The following LIN52 variants were observed in gnomAD, a reference collection of about 807,000 sequenced individuals.
The protein encoded by LIN52 is protein lin-52 homolog.
A neutral mutation model predicts 18.5 loss-of-function variants in LIN52; 4 were observed. The observed-to-expected ratio is 0.22, with a 90% CI of 0.11 to 0.49. The LOEUF is 0.49. Ranked by LOEUF, LIN52 falls within the 20% of genes least tolerant of loss-of-function variation. The pLI is 0.97. For synonymous variants in LIN52, 34 were observed against 45.5 expected, an observed-to-expected ratio of 0.75 and a Z score of 1.02; for missense variants, 102 against 139.5, an observed-to-expected ratio of 0.73 and a Z score of 1.35.
intron 5 of LIN52, among the ~76,000 whole-genome samples, chr14:74,120,936 G>T (rs1482461282): frequency 3.3e-5 from 5 of 151,878 alleles, no homozygotes; most frequent in Non-Finnish European, 7.4e-5. Flanking sequence ...TTCAAGCCAG[G>T]CTCAGTGGTA....
chr14:74,156,364 TAGTC>T, intron 5 of LIN52, among the ~76,000 whole-genome samples: 1 of 152,212 alleles, frequency 6.6e-6, no homozygotes. Context: ...CCCTTTCCTA[TAGTC>T]AGTCTGTCTA....
Position 74,175,748 on chromosome 14 carries a change from A to ACACACACACACACC in LIN52, c.284-23171_284-23170insACACACACACCCAC, listed in dbSNP as rs796441764. ...CACACACACACACACACACACACAC[A>ACACACACACACACC]CACCCCCATTATACAGCTATACCAA... On this transcript the variant is annotated intron_variant, in intron 5 of 5. Transcript: ENST00000555028. 6.6e-3 allele frequency among the ~76,000 whole-genome samples: 657 copies of ACACACACACACACC among 98,802 alleles called. 3 individuals are homozygous for ACACACACACACACC. Among genetic ancestry groups the ACACACACACACACC allele is most frequent in the South Asian group, 0.03 (112 of 3,758 alleles). The allele number at this position is 98,802 out of a possible 152,430, so 64.8% of individuals were successfully genotyped here. A position where few individuals can be genotyped will look rare whatever the true frequency, so the allele number is the denominator to read the frequency against.
chr14:74,141,936 C>A (rs1243313703), intron 5 of LIN52, among the ~76,000 whole-genome samples: 5 of 152,142 alleles, frequency 3.3e-5, no homozygotes, highest in Admixed American at 2.6e-4. Flanking sequence ...GAAATGAGGA[C>A]TTAGGTTTCT....
intron 5 of LIN52, among the ~76,000 whole-genome samples, chr14:74,101,467 T>C (rs903330605): frequency 6.6e-6 from 1 of 151,504 alleles, no homozygotes; most frequent in African/African-American, 2.4e-5. Flanking sequence ...TTTCTTTTTT[T>C]TTTTTTTTTG....
chr14:74,166,433 G>A (rs900666910), intron 5 of LIN52, among the ~76,000 whole-genome samples: 35 of 148,630 alleles, frequency 2.4e-4, no homozygotes, highest in African/African-American at 7.4e-4. Flanking sequence ...CAGGCTGGTC[G>A]CGAACTCCTG....
At chr14:74,087,229 C>T in intron 1 of LIN52, among the ~76,000 whole-genome samples, 1 of 151,936 alleles carries the variant, frequency 6.6e-6, no homozygotes, top group East Asian at 1.9e-4. Flanking sequence ...TCCTGGCTAA[C>T]ACAGTGAAAC....
intron 5 of LIN52, among the ~76,000 whole-genome samples, chr14:74,108,078 A>G (rs544357839): frequency 2.0e-5 from 3 of 152,128 alleles, no homozygotes; most frequent in Non-Finnish European, 4.4e-5. Context: ...TCATGTCTCT[A>G]TGGATTTGCC....
chr14:74,166,290 C>A (rs2061249588), intron 5 of LIN52, among the ~76,000 whole-genome samples: 1 of 152,108 alleles, frequency 6.6e-6, no homozygotes, highest in African/African-American at 2.4e-5. Flanking sequence ...GATCTCAGCT[C>A]ACCGCAACCT....
rs550938846 is a variant in LIN52 at position 74,178,649 on chromosome 14, G to A, written c.284-20273G>A. 6.9e-4 allele frequency among the ~76,000 whole-genome samples: 104 copies of A among 151,416 alleles called. 1 individual carries two copies. The highest frequency in any genetic ancestry group is 1.3e-3 in the Non-Finnish European group (87 of 67,826). On this transcript the variant is annotated intron_variant, in intron 5 of 5. Coordinates refer to ENST00000555028, the MANE Select transcript of LIN52 (RefSeq NM_001024674.3). Reference sequence around the variant, plus strand: ...ATTTTTGTATTTTTTTAGTAGAGACGGGGTTTCGCCATATTGGCCAGGCTG... The same window carrying A: ...ATTTTTGTATTTTTTTAGTAGAGACAGGGTTTCGCCATATTGGCCAGGCTG...
chr14:74,100,712 G>T (rs556909519), intron 4 of LIN52, among the ~76,000 whole-genome samples: 4 of 152,150 alleles, frequency 2.6e-5, no homozygotes, highest in Non-Finnish European at 5.9e-5. Context: ...CTGACCTCGG[G>T]TGATCTGCCC....
intron 2 of LIN52, among the ~76,000 whole-genome samples, chr14:74,093,638 G>A (rs1042086568): frequency 3.0e-4 from 45 of 152,076 alleles, no homozygotes; most frequent in African/African-American, 1.1e-3. Flanking sequence ...CTCTTATAAC[G>A]TTAACCACTG....
intron 1 of LIN52, among the ~76,000 whole-genome samples, chr14:74,089,618 TC>T (rs1464218366): frequency 1.3e-5 from 2 of 152,086 alleles, no homozygotes; most frequent in African/African-American, 4.8e-5. Context: ...TCCACCCACC[TC>T]GGCCTCCCAA....
intron 5 of LIN52, among the ~76,000 whole-genome samples, chr14:74,115,561 G>A (rs1349962973): frequency 1.3e-5 from 2 of 152,158 alleles, no homozygotes; most frequent in African/African-American, 4.8e-5. Flanking sequence ...TCTTGCCATA[G>A]TCATTAGCTT....
chr14:74,164,538 G>A (rs2061240397), intron 5 of LIN52, among the ~76,000 whole-genome samples: 1 of 151,840 alleles, frequency 6.6e-6, no homozygotes, highest in Non-Finnish European at 1.5e-5. Flanking sequence ...CGCCTGCTTC[G>A]GGCTCCCAAA....
At chr14:74,188,998 A>G (rs558306478) in intron 5 of LIN52, among the ~76,000 whole-genome samples, 7 of 152,300 alleles carry the variant, frequency 4.6e-5, no homozygotes, top group African/African-American at 1.4e-4. Context: ...TCAGATAGAC[A>G]GGGCAGGAAA....
intron 5 of LIN52, among the ~76,000 whole-genome samples, chr14:74,131,164 C>A (rs2139938842): frequency 7.4e-6 from 1 of 135,110 alleles, no homozygotes; most frequent in Middle Eastern, 4.1e-3. Flanking sequence ...AATAACCAGC[C>A]CAAATCCCAT....
intron 5 of LIN52, among the ~76,000 whole-genome samples, chr14:74,194,909 C>T (rs893436106): frequency 1.3e-5 from 2 of 152,162 alleles, no homozygotes; most frequent in Non-Finnish European, 2.9e-5. Flanking sequence ...CTTTGGGAGG[C>T]CAAGGCGGGC....
chr14:74,105,736 AAGGACC>A, intron 5 of LIN52, among the ~76,000 whole-genome samples: 1 of 152,172 alleles, frequency 6.6e-6, no homozygotes, highest in East Asian at 1.9e-4. Context: ...ATGAATCCCC[AAGGACC>A]AGTGATCCTG....
intron 1 of LIN52, 190 bp downstream of exon 1, chr14:74,085,183 G>C (rs778822619): frequency 2.5e-5 from 11 of 438,178 alleles, no homozygotes; most frequent in Middle Eastern, 8.5e-4. Flanking sequence ...GAGGTGCCCA[G>C]TTTCCCCGCT....
Sources: gnomAD v4.1 joint callset for allele counts (sites outside exome capture counted in the v4.1 genomes callset) on GRCh38, gnomAD v4.1.1 for gene constraint, MANE v1.5 for transcripts, NCBI Gene and HGNC (gene_info 2026-07-23, HGNC 2026-07-21) for gene names.